CPEB3: variants seen among roughly 807,000 people sequenced by gnomAD.
The protein encoded by CPEB3 is cytoplasmic polyadenylation element-binding protein 3.
In CPEB3, 20 loss-of-function variants were observed where a neutral mutation model predicts 67.2. That is an observed-to-expected ratio of 0.30 (90% CI 0.21 to 0.43). CPEB3 has a LOEUF of 0.43. Ranked by LOEUF, CPEB3 falls within the 20% of genes least tolerant of loss-of-function variation. The probability of loss-of-function intolerance (pLI) is 1.00; values close to 1 mark genes in which losing one functional copy is unlikely to be tolerated. For synonymous variants in CPEB3, 376 were observed against 393.1 expected (o/e 0.96, Z 0.51); for missense variants, 746 against 968.6 (o/e 0.77, Z 3.05).
At chr10:92,199,895 CAGAGAG>C (rs34608647) in intron 2 of CPEB3, among the ~76,000 whole-genome samples, 479 of 148,178 alleles carry the variant, frequency 3.2e-3, no homozygotes, top group Middle Eastern at 6.9e-3. Flanking sequence ...TCCAAACACA[CAGAGAG>C]AGAGAGAGAG....
chr10:92,234,616 C>T (rs1851437627), intron 2 of CPEB3, among the ~76,000 whole-genome samples: 1 of 152,106 alleles, frequency 6.6e-6, no homozygotes, highest in African/African-American at 2.4e-5. Flanking sequence ...CACTGAACCT[C>T]AATTTATTTG....
At chr10:92,242,990 G>A (rs1335438788) in intron 1 of CPEB3, among the ~76,000 whole-genome samples, 1 of 152,006 alleles carries the variant, frequency 6.6e-6, no homozygotes, top group African/African-American at 2.4e-5. Flanking sequence ...TGTATAGTTT[G>A]TTTTGTGTTC....
chr10:92,287,215 G>A (rs11186896), intron 1 of CPEB3, among the ~76,000 whole-genome samples: 33,602 of 150,826 alleles, frequency 0.22, 4,686 homozygotes, highest in Middle Eastern at 0.33. Context: ...TGCAACCTCC[G>A]CCTCCCAGGT....
intron 2 of CPEB3, among the ~76,000 whole-genome samples, chr10:92,227,662 C>T: frequency 6.7e-6 from 1 of 148,624 alleles, no homozygotes; most frequent in Non-Finnish European, 1.5e-5. Context: ...GCGATCTCGG[C>T]TCACTGCAGG....
At chr10:92,213,393 C>T (rs1443348855) in intron 2 of CPEB3, among the ~76,000 whole-genome samples, 1 of 152,110 alleles carries the variant, frequency 6.6e-6, no homozygotes, top group East Asian at 1.9e-4. Flanking sequence ...GTTTAACAAA[C>T]AGAAACAATG....
intron 6 of CPEB3, among the ~76,000 whole-genome samples, chr10:92,120,063 G>A: frequency 1.2e-5 from 1 of 83,984 alleles, no homozygotes; most frequent in Admixed American, 1.4e-4. Context: ...GACCATCCTG[G>A]CTAACACAGT....
intron 9 of CPEB3, among the ~76,000 whole-genome samples, chr10:92,065,118 C>T (rs1437410200): frequency 1.3e-5 from 2 of 152,118 alleles, no homozygotes; most frequent in African/African-American, 4.8e-5. Context: ...GAGCTCACTG[C>T]CATGATAGAT....
chr10:92,060,259 T>C (rs1286114968), intron 9 of CPEB3, among the ~76,000 whole-genome samples: 1 of 151,270 alleles, frequency 6.6e-6, no homozygotes, highest in Non-Finnish European at 1.5e-5. Context: ...CTTGGGAGAC[T>C]GAGGCATGAG....
intron 4 of CPEB3, among the ~76,000 whole-genome samples, chr10:92,160,010 G>A (rs1054314946): frequency 6.6e-6 from 1 of 150,846 alleles, no homozygotes; most frequent in South Asian, 2.1e-4. Flanking sequence ...GCAGTGGCAC[G>A]ATCTCGGCTC....
chr10:92,084,868 C>T (rs556012232), intron 8 of CPEB3, among the ~76,000 whole-genome samples: 2 of 152,266 alleles, frequency 1.3e-5, no homozygotes, highest in African/African-American at 4.8e-5. Context: ...TGTGAGCCAC[C>T]GTGCCCGGCC....
At chr10:92,157,241 C>G (rs568639574) in intron 4 of CPEB3, among the ~76,000 whole-genome samples, 1 of 152,298 alleles carries the variant, frequency 6.6e-6, no homozygotes, top group African/African-American at 2.4e-5. Context: ...TGAAGTAGGA[C>G]AAGACTGGTT....
intron 4 of CPEB3, among the ~76,000 whole-genome samples, 197 bp downstream of exon 4, chr10:92,180,766 C>T (rs1848424072): frequency 6.6e-6 from 1 of 152,122 alleles, no homozygotes; most frequent in Non-Finnish European, 1.5e-5. Context: ...TGTCATGGGG[C>T]CTGAGATTTT....
At chr10:92,140,615 C>A (rs867120875) in intron 6 of CPEB3, among the ~76,000 whole-genome samples, 2,865 of 149,344 alleles carry the variant, frequency 0.019, 91 homozygotes, top group African/African-American at 0.067. Context: ...GCAACAAAAG[C>A]CAAAATTGAC....
chr10:92,087,073 T>G (rs1183325018), intron 8 of CPEB3, among the ~76,000 whole-genome samples: 1 of 152,182 alleles, frequency 6.6e-6, no homozygotes, highest in Non-Finnish European at 1.5e-5. Context: ...AGGATAGGGT[T>G]ATAATATACT....
intron 9 of CPEB3, among the ~76,000 whole-genome samples, chr10:92,057,900 C>G (rs1842173929): frequency 6.6e-6 from 1 of 152,150 alleles, no homozygotes; most frequent in Non-Finnish European, 1.5e-5. Flanking sequence ...ATGGGTGACC[C>G]CTAAAGCAGA....
intron 6 of CPEB3, among the ~76,000 whole-genome samples, chr10:92,111,882 T>C (rs1290570368): frequency 1.3e-5 from 2 of 152,166 alleles, no homozygotes. Context: ...AAAAAAGTTT[T>C]TAAAAAGGCC....
intron 1 of CPEB3, among the ~76,000 whole-genome samples, chr10:92,267,946 G>C (rs967987230): frequency 1.3e-5 from 2 of 152,110 alleles, no homozygotes; most frequent in African/African-American, 4.8e-5. Flanking sequence ...CTCCTCCCGA[G>C]TAGCTGGGAC....
chr10:92,268,185 A>T (rs1180664742), intron 1 of CPEB3, among the ~76,000 whole-genome samples: 1 of 152,112 alleles, frequency 6.6e-6, no homozygotes, highest in Non-Finnish European at 1.5e-5. Flanking sequence ...ACATTTTGAC[A>T]TGTTTGATTT....
intron 3 of CPEB3, among the ~76,000 whole-genome samples, chr10:92,182,581 T>C (rs1003738384): frequency 6.6e-6 from 1 of 152,108 alleles, no homozygotes. Context: ...ATCCCAGCAC[T>C]TTGGGAAGCC....
Sources: gnomAD v4.1 joint callset for allele counts (sites outside exome capture counted in the v4.1 genomes callset) on GRCh38, gnomAD v4.1.1 for gene constraint, MANE v1.5 for transcripts, NCBI Gene and HGNC (gene_info 2026-07-23, HGNC 2026-07-21) for gene names.